Variants in PSMD1 observed in about 807,000 individuals in gnomAD.
PSMD1 encodes 26S proteasome non-ATPase regulatory subunit 1.
A neutral mutation model predicts 119.0 loss-of-function variants in PSMD1; 18 were observed. The observed-to-expected ratio is 0.15, with a 90% CI of 0.10 to 0.22. PSMD1 has a LOEUF of 0.22. PSMD1 is among the 10% of genes least tolerant of loss of function. PSMD1 has a pLI of 1.00. For synonymous variants in PSMD1, 374 were observed against 396.6 expected (o/e 0.94, Z 0.68); for missense variants, 702 against 1,158.5 (o/e 0.61, Z 5.72).
chr2:231,073,679 G>A (rs1011602399), intron 7 of PSMD1, among the ~76,000 whole-genome samples: 1 of 151,880 alleles, frequency 6.6e-6, no homozygotes, highest in African/African-American at 2.4e-5. Flanking sequence ...GTAGTGTTTT[G>A]TAGATTCAGT....
intron 16 of PSMD1, among the ~76,000 whole-genome samples, chr2:231,114,228 G>C (rs1466740780): frequency 6.6e-6 from 1 of 151,990 alleles, no homozygotes; most frequent in Non-Finnish European, 1.5e-5. Context: ...TTCCATTTGT[G>C]ATCTTTTTAA....
intron 16 of PSMD1, chr2:231,113,625 G>A (rs1019468504): frequency 1.2e-5 from 12 of 973,954 alleles, no homozygotes; most frequent in South Asian, 1.3e-5. Flanking sequence ...AGGCTGGCTT[G>A]ACCTCTCATG....
At chr2:231,157,718 C>T (rs901996281) in intron 19 of PSMD1, among the ~76,000 whole-genome samples, 21 of 151,832 alleles carry the variant, frequency 1.4e-4, no homozygotes, top group Non-Finnish European at 5.9e-5. Flanking sequence ...AGGTGCACAC[C>T]GCCATGCCCG....
intron 17 of PSMD1, among the ~76,000 whole-genome samples, chr2:231,143,369 A>G (rs1225331441): frequency 1.3e-5 from 2 of 152,118 alleles, no homozygotes; most frequent in Non-Finnish European, 2.9e-5. Context: ...AGCTGGGATT[A>G]CAGGTGCCCA....
chr2:231,133,920 A>G (rs915804346), intron 16 of PSMD1, among the ~76,000 whole-genome samples: 12 of 152,244 alleles, frequency 7.9e-5, no homozygotes, highest in African/African-American at 2.7e-4. Context: ...CCCTTGCACA[A>G]TTCCTGCTCT....
chr2:231,137,268 A>G (rs1220468798), intron 16 of PSMD1, among the ~76,000 whole-genome samples: 1 of 151,472 alleles, frequency 6.6e-6, no homozygotes, highest in African/African-American at 2.4e-5. Flanking sequence ...GTTGCCCACC[A>G]CCATGCCTGG....
intron 16 of PSMD1, among the ~76,000 whole-genome samples, chr2:231,101,023 A>G (rs1176582608): frequency 6.6e-6 from 1 of 152,238 alleles, no homozygotes; most frequent in Admixed American, 6.5e-5. Flanking sequence ...ATGGATATCC[A>G]GTGAAAGAGC....
chr2:231,144,595 G>A (rs573008882), intron 17 of PSMD1, among the ~76,000 whole-genome samples: 2 of 151,582 alleles, frequency 1.3e-5, no homozygotes, highest in African/African-American at 4.8e-5. Context: ...TGTATTTTTA[G>A]TAGAGAAGGG....
In PSMD1 at chr2:231,083,626, A is replaced by T. The variant is rs774014766; in HGVS notation, c.1585A>T (p.Ile529Phe). Reference sequence around the variant, plus strand: ...GTTGGGCTCTAAAAATGCTCAGGCTATTGAGGACATGGTTGGTTATGCACA... The same window carrying T: ...GTTGGGCTCTAAAAATGCTCAGGCTTTTGAGGACATGGTTGGTTATGCACA... ...VMLGSKNAQA[I>F]EDMVGYAQET... is the part of the protein sequence containing the mutation. Residue 529 changes from isoleucine to phenylalanine, a missense_variant, in exon 14 of 25, where the codon ATT becomes TTT. This residue lies in a region of PSMD1 where 272 missense variants were observed against 511.6 expected (regional missense o/e 0.53). Transcript: ENST00000308696. 2.5e-6 allele frequency: 4 copies of T among 1,614,062 alleles called. No homozygotes were observed. Among genetic ancestry groups the T allele is most frequent in the Non-Finnish European group, 3.4e-6 (4 of 1,180,038 alleles).
intron 2 of PSMD1, among the ~76,000 whole-genome samples, 183 bp downstream of exon 2, chr2:231,061,493 C>T (rs1693757765): frequency 6.6e-6 from 1 of 152,206 alleles, no homozygotes; most frequent in Non-Finnish European, 1.5e-5. Context: ...TTGAGTTTAA[C>T]AAAGCTAAGA....
chr2:231,088,075 G>A (rs955637492), intron 16 of PSMD1, among the ~76,000 whole-genome samples: 2 of 152,098 alleles, frequency 1.3e-5, no homozygotes, highest in Non-Finnish European at 2.9e-5. Context: ...TTGCGCCTCA[G>A]TTTCCTTGTC....
intron 2 of PSMD1, 145 bp from the exon 3 acceptor site, chr2:231,062,103 A>G: frequency 1.7e-6 from 1 of 576,010 alleles, no homozygotes; most frequent in South Asian, 2.7e-5. Context: ...AAAAAGTGTA[A>G]GTTGGTAAAT....
At position 231,066,966 on chromosome 2, in the gene PSMD1, A is replaced by G; in HGVS notation, c.365A>G (p.Glu122Gly). The G allele has an allele frequency of 1.9e-6, 3 of 1,612,146 alleles. No individual in the cohort carries two copies. Among genetic ancestry groups the G allele is most frequent in the Non-Finnish European group, 2.5e-6 (3 of 1,179,182 alleles). The change falls in exon 5 of 25, where the codon GAA becomes GGA. Residue 122 changes from glutamate to glycine, a missense_variant. Physicochemically the swap from Glu to Gly is moderately conservative, Grantham distance 98 (BLOSUM62 -2). Around this residue, in one of 9 missense-constraint regions of PSMD1, gnomAD observed 50 missense variants for 41.8 expected, o/e 1.20. Coordinates refer to ENST00000308696, the MANE Select transcript of PSMD1 (RefSeq NM_002807.4). Reference sequence around the variant, plus strand: ...GAAAATGCAGATTTGCCTGAAGGAGAAAAAAAACCAATTGACCAGAGATTG... The same window carrying G: ...GAAAATGCAGATTTGCCTGAAGGAGGAAAAAAACCAATTGACCAGAGATTG... ...CVENADLPEGEKKPIDQRLEG... is the reference protein window; with the variant it reads ...CVENADLPEGGKKPIDQRLEG...
intron 16 of PSMD1, among the ~76,000 whole-genome samples, chr2:231,121,277 T>G (rs1443168450): frequency 6.6e-6 from 1 of 152,172 alleles, no homozygotes; most frequent in Non-Finnish European, 1.5e-5. Flanking sequence ...CCTGTAATCC[T>G]AGCTACTTAA....
chr2:231,117,366 C>T (rs555500658), intron 16 of PSMD1, among the ~76,000 whole-genome samples: 3 of 151,930 alleles, frequency 2.0e-5, no homozygotes, highest in Non-Finnish European at 4.4e-5. Context: ...AAATGTGTAT[C>T]TAAGGGTCAG....
intron 4 of PSMD1, among the ~76,000 whole-genome samples, chr2:231,062,891 G>GCCTA (rs1419764003): frequency 1.3e-5 from 2 of 152,146 alleles, no homozygotes; most frequent in African/African-American, 4.8e-5. Flanking sequence ...AGTCCAGTGA[G>GCCTA]CCTACTGTTA....
At chr2:231,142,357 A>AAT (rs1696144730) in intron 17 of PSMD1, among the ~76,000 whole-genome samples, 1 of 152,172 alleles carries the variant, frequency 6.6e-6, no homozygotes, top group Non-Finnish European at 1.5e-5. Flanking sequence ...ACAAAGGAAG[A>AAT]ATATAGTTGT....
intron 4 of PSMD1, among the ~76,000 whole-genome samples, chr2:231,063,183 T>G (rs1693803439): frequency 6.6e-6 from 1 of 152,248 alleles, no homozygotes; most frequent in African/African-American, 2.4e-5. Context: ...CTGTTTCTAT[T>G]TGTAACCGTT....
At chr2:231,102,240 T>C (rs547463489) in intron 16 of PSMD1, among the ~76,000 whole-genome samples, 4 of 152,316 alleles carry the variant, frequency 2.6e-5, no homozygotes, top group African/African-American at 9.6e-5. Context: ...AAAGTTCGTG[T>C]GACTCACTTT....
Sources: allele counts gnomAD v4.1 joint callset (sites outside exome capture counted in the v4.1 genomes callset), GRCh38; gene constraint gnomAD v4.1.1; regional missense constraint gnomAD v4.1.1; transcripts MANE v1.5; gene names NCBI Gene and HGNC (gene_info 2026-07-23, HGNC 2026-07-21).